Variants in CNTN5 observed in about 807,000 individuals in gnomAD.
CNTN5 encodes contactin-5.
A neutral mutation model predicts 129.1 loss-of-function variants in CNTN5; 77 were observed. The observed-to-expected ratio is 0.60, with a 90% CI of 0.50 to 0.72. The LOEUF (loss-of-function observed/expected upper bound fraction) is 0.72, where lower values mean the gene tolerates loss of function less well. Ranked by LOEUF, CNTN5 falls within the 30% of genes least tolerant of loss-of-function variation. The probability of loss-of-function intolerance (pLI) is 0.00; values close to 1 mark genes in which losing one functional copy is unlikely to be tolerated. For missense variants in CNTN5, 1,478 were observed against 1,328.8 expected, an observed-to-expected ratio of 1.11 and a Z score of -1.75; for synonymous variants, 509 against 465.6, an observed-to-expected ratio of 1.09 and a Z score of -1.20.
At chr11:100,259,836 G>A (rs966017276) in intron 17 of CNTN5, among the ~76,000 whole-genome samples, 1 of 151,916 alleles carries the variant, frequency 6.6e-6, no homozygotes, top group Non-Finnish European at 1.5e-5. Flanking sequence ...GCCCACCGGA[G>A]AAAGCGGGAA....
At chr11:100,163,219 T>C (rs147886182) in intron 13 of CNTN5, among the ~76,000 whole-genome samples, 132 of 151,940 alleles carry the variant, frequency 8.7e-4, no homozygotes, top group African/African-American at 3.1e-3. Context: ...GATTGAGACA[T>C]AATAGCTAAT....
At chr11:99,621,619 G>C (rs1357767396) in intron 3 of CNTN5, among the ~76,000 whole-genome samples, 1 of 152,128 alleles carries the variant, frequency 6.6e-6, no homozygotes, top group African/African-American at 2.4e-5. Flanking sequence ...TTGAGCAGGT[G>C]AACATTACTC....
intron 1 of CNTN5, among the ~76,000 whole-genome samples, chr11:99,049,319 G>T (rs1304440446): frequency 2.0e-5 from 3 of 152,074 alleles, no homozygotes; most frequent in Non-Finnish European, 4.4e-5. Context: ...AGATAAAACA[G>T]AAAAGTAAAT....
intron 3 of CNTN5, among the ~76,000 whole-genome samples, chr11:99,763,203 T>TTCACTGACAG (rs1276693698): frequency 6.6e-6 from 1 of 152,124 alleles, no homozygotes; most frequent in African/African-American, 2.4e-5. Flanking sequence ...GTGTATCAGT[T>TTCACTGACAG]TTTCACTTGT....
chr11:99,891,974 A>C (rs956531996), intron 6 of CNTN5, among the ~76,000 whole-genome samples: 20 of 152,116 alleles, frequency 1.3e-4, no homozygotes, highest in African/African-American at 4.3e-4. Context: ...CTATCTCTCC[A>C]CATCCTCTCC....
chr11:100,290,651 AC>A (rs2138859683), intron 18 of CNTN5, among the ~76,000 whole-genome samples: 1 of 145,604 alleles, frequency 6.9e-6, no homozygotes, highest in African/African-American at 2.5e-5. Context: ...AACCATAAAA[AC>A]CCTAGAAGAA....
In CNTN5 at chr11:99,553,965, T is replaced by TACACACACAC. The variant is rs34430127; in HGVS notation, c.-70-2158_-70-2149dup. Among the ~76,000 whole-genome samples, 748 of 146,106 alleles carry TACACACACAC rather than the reference T, an allele frequency of 5.1e-3. 5 individuals carry two copies. Among genetic ancestry groups the TACACACACAC allele is most frequent in the African/African-American group, 0.018 (690 of 39,382 alleles). On this transcript the variant is annotated intron_variant, in intron 2 of 24. Coordinates refer to ENST00000524871, the MANE Select transcript of CNTN5 (RefSeq NM_014361.4). Reference sequence around the variant, plus strand: ...CCAAGCACTGGTGCTTGAAAATGAATACACACACACACACACACACACACA... The same window carrying TACACACACAC: ...CCAAGCACTGGTGCTTGAAAATGAATACACACACACACACACACACACACACACACACACA...
intron 9 of CNTN5, among the ~76,000 whole-genome samples, chr11:100,023,759 A>G (rs909925066): frequency 2.0e-5 from 3 of 152,050 alleles, no homozygotes; most frequent in African/African-American, 7.2e-5. Context: ...ACCATAAAAT[A>G]TGTTGCCTTT....
At chr11:99,112,174 A>G (rs770093147) in intron 1 of CNTN5, among the ~76,000 whole-genome samples, 60 of 152,204 alleles carry the variant, frequency 3.9e-4, no homozygotes, top group Non-Finnish European at 7.4e-4. Context: ...GAAGATTTCA[A>G]TACCACACTG....
intron 13 of CNTN5, among the ~76,000 whole-genome samples, chr11:100,120,607 T>A (rs1945985606): frequency 6.6e-6 from 1 of 151,740 alleles, no homozygotes; most frequent in Non-Finnish European, 1.5e-5. Flanking sequence ...GAAGAAAAAA[T>A]AAGAATTTTA....
chr11:99,507,286 A>G (rs1440688571), intron 2 of CNTN5, among the ~76,000 whole-genome samples: 1 of 149,822 alleles, frequency 6.7e-6, no homozygotes, highest in Non-Finnish European at 1.5e-5. Context: ...CTGAGGCAGG[A>G]GAATCGCTTG....
intron 2 of CNTN5, among the ~76,000 whole-genome samples, chr11:99,439,464 T>C (rs557394161): frequency 6.6e-6 from 1 of 151,890 alleles, no homozygotes; most frequent in East Asian, 1.9e-4. Flanking sequence ...TCCCAACACT[T>C]TGGGAGGCTG....
chr11:100,137,575 T>C (rs1225229424), intron 13 of CNTN5, among the ~76,000 whole-genome samples: 3 of 152,104 alleles, frequency 2.0e-5, no homozygotes, highest in African/African-American at 7.2e-5. Flanking sequence ...ATTATCTAAA[T>C]AAAATCTCAG....
chr11:99,554,718 A>G (rs1948609974), intron 2 of CNTN5, among the ~76,000 whole-genome samples: 1 of 152,120 alleles, frequency 6.6e-6, no homozygotes, highest in South Asian at 2.1e-4. Flanking sequence ...TGCTAACTCA[A>G]CTGTGCAGTT....
At chr11:99,591,947 T>C (rs1591329508) in intron 3 of CNTN5, among the ~76,000 whole-genome samples, 2 of 152,222 alleles carry the variant, frequency 1.3e-5, no homozygotes, top group South Asian at 4.1e-4. Flanking sequence ...TGGAGAAAAG[T>C]AACAATTTTT....
chr11:99,889,293 T>G (rs867486484), intron 6 of CNTN5, among the ~76,000 whole-genome samples: 13 of 1,976 alleles, frequency 6.6e-3, no homozygotes, highest in Admixed American at 0.014. Flanking sequence ...CCAGAGCAGG[T>G]GTGTGTGTGT....
chr11:99,984,770 C>A (rs1288265822), intron 8 of CNTN5, among the ~76,000 whole-genome samples: 1 of 152,152 alleles, frequency 6.6e-6, no homozygotes, highest in Non-Finnish European at 1.5e-5. Context: ...ATGTTGCATG[C>A]ATAAATGGGA....
intron 15 of CNTN5, among the ~76,000 whole-genome samples, chr11:100,203,703 CT>C (rs1342007743): frequency 1.3e-5 from 2 of 151,336 alleles, no homozygotes; most frequent in African/African-American, 4.9e-5. Flanking sequence ...ATCTCACCAC[CT>C]TTTACACTAT....
At chr11:99,647,923 T>C (rs1952025431) in intron 3 of CNTN5, among the ~76,000 whole-genome samples, 1 of 151,824 alleles carries the variant, frequency 6.6e-6, no homozygotes, top group Non-Finnish European at 1.5e-5. Context: ...TTCCCAAAGG[T>C]TTTTCTTAGG....
Sources: allele counts gnomAD v4.1 joint callset (sites outside exome capture counted in the v4.1 genomes callset), GRCh38; gene constraint gnomAD v4.1.1; transcripts MANE v1.5; gene names NCBI Gene and HGNC (gene_info 2026-07-23, HGNC 2026-07-21).